Variants in METTL24 observed in about 807,000 individuals in gnomAD.
METTL24 encodes the protein probable methyltransferase-like protein 24.
In METTL24, 29 loss-of-function variants were observed where a neutral mutation model predicts 32.7. The ratio of observed to expected loss-of-function variants is 0.89; its 90% CI spans 0.66 to 1.21. METTL24 has a LOEUF of 1.21. Among genes scored for constraint, METTL24 ranks in the 50% most tolerant of loss-of-function variants. The pLI is 0.00. For synonymous variants in METTL24, 163 were observed against 179.5 expected (o/e 0.91, Z 0.73); for missense variants, 439 against 468.1 (o/e 0.94, Z 0.57).
chr6:110,354,502 T>C (rs1215640659), intron 1 of METTL24, among the ~76,000 whole-genome samples: 2 of 152,232 alleles, frequency 1.3e-5, no homozygotes, highest in Non-Finnish European at 2.9e-5. Flanking sequence ...TGGGGCAAAG[T>C]AACCAAGAAC....
At chr6:110,255,971 G>A (rs1428553976) in intron 4 of METTL24, among the ~76,000 whole-genome samples, 3 of 152,096 alleles carry the variant, frequency 2.0e-5, no homozygotes, top group East Asian at 1.9e-4. Context: ...CTAATTTAGA[G>A]GGACACAAAA....
intron 4 of METTL24, among the ~76,000 whole-genome samples, chr6:110,297,211 G>C (rs1473996619): frequency 2.6e-5 from 4 of 152,056 alleles, no homozygotes; most frequent in Non-Finnish European, 4.4e-5. Context: ...GCTATCTCAG[G>C]AGCAGCATTG....
chr6:110,246,313 A>G (rs2114686763), intron 4 of METTL24, 53 bp from the exon 5 acceptor site: 1 of 1,460,020 alleles, frequency 6.8e-7, no homozygotes, highest in Non-Finnish European at 9.2e-7. Flanking sequence ...CTATCTTGAT[A>G]TCAGGAGTTT....
chr6:110,293,409 A>T (rs1296641247), intron 4 of METTL24, among the ~76,000 whole-genome samples: 1 of 151,868 alleles, frequency 6.6e-6, no homozygotes, highest in Non-Finnish European at 1.5e-5. Flanking sequence ...TGTAGTTAAA[A>T]TTTTTTTGTA....
chr6:110,312,947 C>G (rs77508912), intron 3 of METTL24, among the ~76,000 whole-genome samples: 1 of 152,166 alleles, frequency 6.6e-6, no homozygotes, highest in South Asian at 2.1e-4. Flanking sequence ...AATTTTTGAG[C>G]GGTTAAATTC....
intron 3 of METTL24, 106 bp from the exon 4 acceptor site, chr6:110,299,256 C>A: frequency 1.0e-6 from 1 of 968,426 alleles, no homozygotes; most frequent in Non-Finnish European, 1.6e-6. Flanking sequence ...TATATCAAGC[C>A]TTCTCCTGTT....
At chr6:110,331,429 C>T (rs929817718) in intron 1 of METTL24, among the ~76,000 whole-genome samples, 1 of 151,940 alleles carries the variant, frequency 6.6e-6, no homozygotes, top group Non-Finnish European at 1.5e-5. Context: ...GAGGCTGAGG[C>T]GGGCAGATCA....
At chr6:110,290,180 G>A (rs945075170) in intron 4 of METTL24, among the ~76,000 whole-genome samples, 10 of 152,040 alleles carry the variant, frequency 6.6e-5, no homozygotes, top group Admixed American at 3.3e-4. Flanking sequence ...GCCTCCCAAA[G>A]TGCTGGGATT....
At chr6:110,350,764 A>AAATAAAATAAAATAAAAT (rs1241685249) in intron 1 of METTL24, among the ~76,000 whole-genome samples, 2 of 44,636 alleles carry the variant, frequency 4.5e-5, no homozygotes, top group African/African-American at 1.4e-4. Context: ...TGTCTCAACA[A>AAATAAAATAAAATAAAAT]AATAAAATAA....
chr6:110,303,137 C>T (rs1353748730), intron 3 of METTL24, among the ~76,000 whole-genome samples: 1 of 152,168 alleles, frequency 6.6e-6, no homozygotes, highest in Non-Finnish European at 1.5e-5. Flanking sequence ...AGCCCGGATA[C>T]TACGCTTTTC....
Position 110,246,061 on chromosome 6 carries a change from A to G in METTL24, c.986T>C (p.Phe329Ser), listed in dbSNP as rs767276107. ...GTCTTTGTAACTGTGAAAAAGCCTG[A>G]AATCCTTTTGTTCTAACTCTTTGAG... is the stretch of plus-strand genomic sequence containing the variant. The part of the protein sequence containing the change: ...SLLKELEQKD[F>S]RLFHSYKDLS... Residue 329 changes from phenylalanine (F) to serine (S), a missense_variant, in exon 5 of 5, where the codon TTC (phenylalanine) becomes TCC (serine). By Grantham distance (155) the Phe-to-Ser change is radical. Transcript: ENST00000338882. 11 of 1,614,058 alleles carry G rather than the reference A, an allele frequency of 6.8e-6. No individual in the cohort carries two copies. The Admixed American group carries it at 1.8e-4, about 27-fold the overall frequency.
chr6:110,285,422 G>T (rs983852675), intron 4 of METTL24, among the ~76,000 whole-genome samples: 1 of 152,104 alleles, frequency 6.6e-6, no homozygotes, highest in African/African-American at 2.4e-5. Flanking sequence ...ATGAAACTAT[G>T]ATCGCCTTTT....
chr6:110,340,315 G>A (rs1772329673), intron 1 of METTL24, among the ~76,000 whole-genome samples: 1 of 152,196 alleles, frequency 6.6e-6, no homozygotes, highest in Non-Finnish European at 1.5e-5. Context: ...GTTCAGCCCA[G>A]CCAGCAGTGA....
chr6:110,306,947 C>A (rs1475539256), intron 3 of METTL24, among the ~76,000 whole-genome samples: 1 of 152,148 alleles, frequency 6.6e-6, no homozygotes, highest in Non-Finnish European at 1.5e-5. Flanking sequence ...AGTTACCAGA[C>A]AATAACGCTC....
intron 4 of METTL24, among the ~76,000 whole-genome samples, chr6:110,283,546 C>T (rs1771172922): frequency 1.3e-5 from 2 of 152,132 alleles, no homozygotes; most frequent in South Asian, 2.1e-4. Context: ...ATGGCTCATT[C>T]GCCCACCCAC....
chr6:110,262,331 A>T (rs1770751688), intron 4 of METTL24, among the ~76,000 whole-genome samples: 1 of 152,230 alleles, frequency 6.6e-6, no homozygotes, highest in South Asian at 2.1e-4. Flanking sequence ...AGAGAATACT[A>T]TAAACACCTC....
chr6:110,355,372 G>A (rs954650931), intron 1 of METTL24, among the ~76,000 whole-genome samples: 1 of 152,156 alleles, frequency 6.6e-6, no homozygotes, highest in South Asian at 2.1e-4. Context: ...TTGGAGACTG[G>A]CTGAGGCTAA....
chr6:110,304,162 G>A (rs1171162328), intron 3 of METTL24, among the ~76,000 whole-genome samples: 1 of 152,078 alleles, frequency 6.6e-6, no homozygotes, highest in East Asian at 1.9e-4. Context: ...TCCATCTGAA[G>A]GCCACCAACA....
intron 4 of METTL24, among the ~76,000 whole-genome samples, chr6:110,285,598 GTTC>G (rs143819320): frequency 0.023 from 3,542 of 152,214 alleles, 155 homozygotes; most frequent in African/African-American, 0.08. Flanking sequence ...ATGATAGCAG[GTTC>G]TCATGCCCTT....
Sources: allele counts gnomAD v4.1 joint callset (sites outside exome capture counted in the v4.1 genomes callset), GRCh38; gene constraint gnomAD v4.1.1; transcripts MANE v1.5; gene names NCBI Gene and HGNC (gene_info 2026-07-23, HGNC 2026-07-21).